The following GRIP1 variants were observed in gnomAD, a reference collection of about 807,000 sequenced individuals.
GRIP1 encodes glutamate receptor-interacting protein 1.
Under a neutral mutation model 129.9 loss-of-function variants are expected in GRIP1, and 45 were observed. That is an observed-to-expected ratio of 0.35 (90% CI 0.27 to 0.44). GRIP1 has a LOEUF of 0.44. Ranked by LOEUF, GRIP1 falls within the 20% of genes least tolerant of loss-of-function variation. The pLI is 1.00. For synonymous variants in GRIP1, 530 were observed against 520.8 expected, an observed-to-expected ratio of 1.02 and a Z score of -0.24; for missense variants, 1,196 against 1,396.8, an observed-to-expected ratio of 0.86 and a Z score of 2.29.
At chr12:66,489,628 A>C (rs531782495) in intron 7 of GRIP1, among the ~76,000 whole-genome samples, 1 of 152,224 alleles carries the variant, frequency 6.6e-6, no homozygotes, top group Non-Finnish European at 1.5e-5. Flanking sequence ...CAATCAGGCA[A>C]TAGAAAGAAA....
At chr12:66,655,178 C>T (rs1413516775) in intron 1 of GRIP1, among the ~76,000 whole-genome samples, 1 of 152,218 alleles carries the variant, frequency 6.6e-6, no homozygotes, top group Non-Finnish European at 1.5e-5. Flanking sequence ...GAGGCAACCA[C>T]TATCCCCAAA....
At chr12:66,878,650 C>G (rs1358744602) in intron 1 of GRIP1, among the ~76,000 whole-genome samples, 1 of 152,084 alleles carries the variant, frequency 6.6e-6, no homozygotes, top group Non-Finnish European at 1.5e-5. Context: ...ATGTATCAGA[C>G]TCCGTTTTAG....
At chr12:66,476,036 G>A (rs1052733131) in intron 7 of GRIP1, among the ~76,000 whole-genome samples, 6 of 151,928 alleles carry the variant, frequency 3.9e-5, no homozygotes, top group African/African-American at 1.4e-4. Flanking sequence ...AACTGAAGGG[G>A]ATAGAGACAC....
chr12:66,663,305 T>A (rs2136202233), intron 1 of GRIP1, among the ~76,000 whole-genome samples: 1 of 152,316 alleles, frequency 6.6e-6, no homozygotes, highest in Admixed American at 6.5e-5. Flanking sequence ...GTTTACTTAT[T>A]CATCTATATG....
chr12:66,451,383 G>GGTTTTTTTTTTTTTTTTTTTTTTTTTTT (rs1565751885), intron 11 of GRIP1, among the ~76,000 whole-genome samples: 1 of 42,650 alleles, frequency 2.3e-5, no homozygotes, highest in Non-Finnish European at 4.2e-5. Flanking sequence ...ATTATAATCT[G>GGTTTTTTTTTTTTTTTTTTTTTTTTTTT]TTTTTTTTTT....
rs1050033350 is a variant in GRIP1 at position 66,840,551 on chromosome 12, T to A, written c.58+228499A>T. On this transcript the variant is annotated intron_variant, in intron 1 of 1. Transcript: ENST00000643019. ...AGGCATATGTAAAAATTCTCCTAGC[T>A]GATTGGTTGACATTTTTCTTGCCAG... is the stretch of plus-strand genomic sequence containing the variant. 4.4e-4 allele frequency among the ~76,000 whole-genome samples: 67 copies of A among 152,344 alleles called. 1 individual carries two copies. Among genetic ancestry groups the A allele is most frequent in the African/African-American group, 1.5e-3 (63 of 41,580 alleles).
At chr12:66,792,812 AAAGCC>A (rs1351406325) in intron 1 of GRIP1, among the ~76,000 whole-genome samples, 10 of 152,206 alleles carry the variant, frequency 6.6e-5, no homozygotes, top group African/African-American at 2.4e-4. Context: ...ACACTTTAAC[AAAGCC>A]AAGCTCAAAC....
intron 15 of GRIP1, among the ~76,000 whole-genome samples, chr12:66,408,130 C>T (rs7963480): frequency 3.3e-5 from 5 of 152,182 alleles, no homozygotes; most frequent in South Asian, 2.1e-4. Flanking sequence ...AAGGGAAGGA[C>T]CCAGTCCTGG....
chr12:66,491,651 A>G (rs1295650937), intron 7 of GRIP1, among the ~76,000 whole-genome samples: 1 of 152,132 alleles, frequency 6.6e-6, no homozygotes, highest in Non-Finnish European at 1.5e-5. Context: ...AAGAGCAAAA[A>G]CAAAGAAAAA....
At chr12:66,389,353 G>A (rs963324154) in intron 19 of GRIP1, among the ~76,000 whole-genome samples, 2 of 151,992 alleles carry the variant, frequency 1.3e-5, no homozygotes, top group South Asian at 2.1e-4. Context: ...TCAGCCTCCC[G>A]AGTAGCTGGG....
At chr12:66,524,819 T>C (rs1384596786) in intron 5 of GRIP1, among the ~76,000 whole-genome samples, 2 of 152,048 alleles carry the variant, frequency 1.3e-5, no homozygotes, top group Admixed American at 6.6e-5. Flanking sequence ...AAGAATCAAA[T>C]AGATGCAATA....
At chr12:67,007,590 T>A (rs1213753271) in intron 1 of GRIP1, among the ~76,000 whole-genome samples, 1 of 152,182 alleles carries the variant, frequency 6.6e-6, no homozygotes, top group African/African-American at 2.4e-5. Context: ...GTTGTTTTAA[T>A]AAATATACAA....
At chr12:66,937,140 T>C (rs551763078) in intron 1 of GRIP1, among the ~76,000 whole-genome samples, 1 of 152,304 alleles carries the variant, frequency 6.6e-6, no homozygotes, top group South Asian at 2.1e-4. Flanking sequence ...ACCTGAAACA[T>C]TCCTCCCCGA....
rs1275853931 is a variant in GRIP1, at chr12:66,937,111, C to T, written c.58+131939G>A. On this transcript the variant is annotated intron_variant, in intron 1 of 1. Transcript: ENST00000643019. ...AGCTTGAAGGTAGATTTGAGGCCTTCGCACTTGCTGTTCCCTCTACCTGAA... is the reference window on the plus strand; with the variant it reads ...AGCTTGAAGGTAGATTTGAGGCCTTTGCACTTGCTGTTCCCTCTACCTGAA... 2.6e-5 allele frequency among the ~76,000 whole-genome samples: 4 copies of T among 152,150 alleles called. No individual in the cohort carries two copies. The East Asian group carries it at 7.7e-4, about 29-fold the overall frequency.
intron 1 of GRIP1, among the ~76,000 whole-genome samples, chr12:66,696,519 G>C (rs1018652375): frequency 1.3e-5 from 2 of 152,026 alleles, no homozygotes; most frequent in South Asian, 2.1e-4. Flanking sequence ...AGGCGTGGTG[G>C]CTCTCGTCTG....
chr12:66,350,433 T>C (rs1218368669), intron 24 of GRIP1, among the ~76,000 whole-genome samples: 3 of 152,014 alleles, frequency 2.0e-5, no homozygotes, highest in African/African-American at 4.8e-5. Flanking sequence ...CTGGGAGGCA[T>C]AGGTTGCAGT....
intron 15 of GRIP1, among the ~76,000 whole-genome samples, chr12:66,415,692 T>C (rs1468235198): frequency 6.6e-6 from 1 of 152,150 alleles, no homozygotes; most frequent in East Asian, 1.9e-4. Flanking sequence ...AATGATAGAC[T>C]GGATAAAGAA....
intron 1 of GRIP1, among the ~76,000 whole-genome samples, chr12:67,068,783 G>GA (rs1047846600): frequency 1.2e-4 from 14 of 114,178 alleles, no homozygotes; most frequent in Non-Finnish European, 1.7e-4. Context: ...ATCCTCGCCA[G>GA]AAAAAATCTT....
At chr12:66,683,062 C>T (rs2034646264), upstream of GRIP1, among the ~76,000 whole-genome samples, 1 of 151,884 alleles carries the variant, frequency 6.6e-6, no homozygotes, top group Non-Finnish European at 1.5e-5. Context: ...CCCTACCCTG[C>T]AACACATACA....
Sources: allele counts gnomAD v4.1 joint callset (sites outside exome capture counted in the v4.1 genomes callset), GRCh38; gene constraint gnomAD v4.1.1; transcripts MANE v1.5; gene names NCBI Gene and HGNC (gene_info 2026-07-23, HGNC 2026-07-21).